ERC1: variants seen among roughly 807,000 people sequenced by gnomAD.
ERC1 encodes the protein RAB6 interacting protein 2.
Under a neutral mutation model 132.0 loss-of-function variants are expected in ERC1, and 56 were observed. The ratio of observed to expected loss-of-function variants is 0.42; its 90% CI spans 0.34 to 0.53. The LOEUF (loss-of-function observed/expected upper bound fraction) is 0.53, where lower values mean the gene tolerates loss of function less well. Ranked by LOEUF, ERC1 falls within the 20% of genes least tolerant of loss-of-function variation. ERC1 has a pLI of 0.03. For synonymous variants in ERC1, 478 were observed against 476.1 expected, an observed-to-expected ratio of 1.00 and a Z score of -0.05; for missense variants, 1,202 against 1,349.9, an observed-to-expected ratio of 0.89 and a Z score of 1.72.
At chr12:1,366,468 GAA>G (rs1408956354) in intron 15 of ERC1, among the ~76,000 whole-genome samples, 1 of 152,172 alleles carries the variant, frequency 6.6e-6, no homozygotes, top group African/African-American at 2.4e-5. Context: ...TTGAAGGAGA[GAA>G]AGCTACAGGC....
At position 1,294,654 on chromosome 12, in the gene ERC1, C is replaced by A. The variant is rs116178497; in HGVS notation, c.2780+4642C>A. On this transcript the variant is annotated intron_variant, in intron 15 of 18. Transcript: ENST00000360905. ...TTGGAGGTATAGGATCAACCCTCAT[C>A]CCTTTTGTTAAATATAAATGAATCA... Among the ~76,000 whole-genome samples the A allele has an allele frequency of 9.6e-3, 1,468 of 152,236 alleles. 24 individuals are homozygous for A. The highest frequency in any genetic ancestry group is 0.033 in the African/African-American group (1,370 of 41,534).
At chr12:1,092,609 T>A (rs1943393573) in intron 3 of ERC1, among the ~76,000 whole-genome samples, 1 of 152,216 alleles carries the variant, frequency 6.6e-6, no homozygotes, top group African/African-American at 2.4e-5. Context: ...TATGATGGTA[T>A]GTGATTAAAC....
chr12:1,404,808 A>C (rs1016731404), intron 16 of ERC1, among the ~76,000 whole-genome samples: 1 of 152,148 alleles, frequency 6.6e-6, no homozygotes, highest in East Asian at 1.9e-4. Context: ...GGCCCATTTC[A>C]TAATACCACC....
At chr12:1,333,239 G>C (rs2083021409) in intron 15 of ERC1, among the ~76,000 whole-genome samples, 1 of 151,810 alleles carries the variant, frequency 6.6e-6, no homozygotes, top group Non-Finnish European at 1.5e-5. Flanking sequence ...GTTAAGGGTA[G>C]TGGTCTCCAG....
At chr12:1,347,387 A>G (rs1245141101) in intron 15 of ERC1, among the ~76,000 whole-genome samples, 2 of 152,328 alleles carry the variant, frequency 1.3e-5, no homozygotes, top group South Asian at 2.1e-4. Context: ...CATCATGTAC[A>G]ACATGATGTT....
intron 17 of ERC1, among the ~76,000 whole-genome samples, chr12:1,438,265 C>T (rs1453666138): frequency 6.6e-6 from 1 of 152,190 alleles, no homozygotes; most frequent in African/African-American, 2.4e-5. Context: ...GACTTTGAGG[C>T]AGAATTAATG....
At chr12:1,267,485 A>G (rs1047992321) in intron 14 of ERC1, among the ~76,000 whole-genome samples, 4 of 152,266 alleles carry the variant, frequency 2.6e-5, no homozygotes, top group Non-Finnish European at 5.9e-5. Flanking sequence ...GGGCCGGGAT[A>G]CAGTGGCTCA....
At chr12:1,023,599 G>C (rs528862539) in intron 1 of ERC1, among the ~76,000 whole-genome samples, 7 of 152,148 alleles carry the variant, frequency 4.6e-5, no homozygotes, top group Non-Finnish European at 1.0e-4. Context: ...AGTGAATTTG[G>C]AGTCTTTGTT....
At chr12:1,330,030 C>T (rs2082746868) in intron 15 of ERC1, among the ~76,000 whole-genome samples, 1 of 152,204 alleles carries the variant, frequency 6.6e-6, no homozygotes, top group Non-Finnish European at 1.5e-5. Flanking sequence ...GTGGATTCAA[C>T]CCTGAAGTTT....
intron 1 of ERC1, among the ~76,000 whole-genome samples, chr12:1,004,750 T>TAA (rs575998888): frequency 3.4e-4 from 51 of 152,052 alleles, no homozygotes; most frequent in Middle Eastern, 3.4e-3. Flanking sequence ...AGATTTTACT[T>TAA]ACTTGAAAAA....
chr12:1,277,587 C>A (rs2078361153), intron 14 of ERC1, among the ~76,000 whole-genome samples: 1 of 152,124 alleles, frequency 6.6e-6, no homozygotes, highest in Non-Finnish European at 1.5e-5. Context: ...GTGAGACATT[C>A]TTGAAATGAG....
At chr12:1,153,748 G>A (rs1465877871) in intron 8 of ERC1, among the ~76,000 whole-genome samples, 1 of 152,206 alleles carries the variant, frequency 6.6e-6, no homozygotes, top group Non-Finnish European at 1.5e-5. Context: ...CGTGCGTGTG[G>A]AATGCTGGGC....
At chr12:1,019,124 TA>T (rs1027573713) in intron 1 of ERC1, among the ~76,000 whole-genome samples, 7 of 151,736 alleles carry the variant, frequency 4.6e-5, no homozygotes, top group East Asian at 1.9e-4. Flanking sequence ...GAATTCAGAT[TA>T]AAAAAAAATA....
intron 15 of ERC1, among the ~76,000 whole-genome samples, chr12:1,313,284 C>G (rs1395071408): frequency 1.3e-5 from 2 of 152,098 alleles, no homozygotes; most frequent in African/African-American, 4.8e-5. Context: ...ATTTCTTCTT[C>G]TTACTGGCCA....
At chr12:1,395,785 T>G (rs200640793) in intron 16 of ERC1, among the ~76,000 whole-genome samples, 2 of 75,610 alleles carry the variant, frequency 2.6e-5, no homozygotes, top group Admixed American at 1.2e-4. Flanking sequence ...CCAAAAAAAA[T>G]TTTTTTTATT....
intron 2 of ERC1, among the ~76,000 whole-genome samples, chr12:1,044,052 CA>C (rs1970706837): frequency 6.6e-6 from 1 of 152,006 alleles, no homozygotes; most frequent in African/African-American, 2.4e-5. Flanking sequence ...GGCATATTTA[CA>C]AAATGTTTGT....
At chr12:1,273,207 G>A (rs747148732) in intron 14 of ERC1, among the ~76,000 whole-genome samples, 23 of 152,220 alleles carry the variant, frequency 1.5e-4, no homozygotes, top group Middle Eastern at 3.4e-3. Context: ...AATATTTTAA[G>A]GGTTTAGTCT....
chr12:1,029,543 G>A (rs1051584702), intron 2 of ERC1, among the ~76,000 whole-genome samples: 1 of 151,890 alleles, frequency 6.6e-6, no homozygotes, highest in Admixed American at 6.6e-5. Flanking sequence ...GAGATGACTG[G>A]GCATTATAAT....
intron 2 of ERC1, among the ~76,000 whole-genome samples, chr12:1,037,171 TATGAAGAAA>T (rs1208537617): frequency 9.8e-5 from 15 of 152,334 alleles, no homozygotes; most frequent in African/African-American, 3.4e-4. Flanking sequence ...ATAGGGCTTA[TATGAAGAAA>T]TAAGGGCAGA....
Sources: allele counts gnomAD v4.1 joint callset (sites outside exome capture counted in the v4.1 genomes callset), GRCh38; gene constraint gnomAD v4.1.1; transcripts MANE v1.5; gene names NCBI Gene and HGNC (gene_info 2026-07-23, HGNC 2026-07-21).